Variants in ALG14 observed in about 807,000 individuals in gnomAD.
ALG14 encodes ALG14 UDP-N-acetylglucosaminyltransferase subunit.
A neutral mutation model predicts 22.8 loss-of-function variants in ALG14; 17 were observed. The ratio of observed to expected loss-of-function variants is 0.75; its 90% confidence interval spans 0.51 to 1.12. ALG14 has a LOEUF of 1.12. Ranked by LOEUF, ALG14 falls within the 50% of genes most tolerant of loss-of-function variation. The pLI, the probability that ALG14 is intolerant of heterozygous loss-of-function variation, is 0.00. For missense variants in ALG14, 288 were observed against 271.8 expected (o/e 1.06, Z -0.42); for synonymous variants, 89 against 103.7 (o/e 0.86, Z 0.86).
chr1:95,036,580 C>A (rs1386706052), intron 2 of ALG14, among the ~76,000 whole-genome samples: 1 of 151,884 alleles, frequency 6.6e-6, no homozygotes. Flanking sequence ...GTATGCGCCA[C>A]CATACCCGGC....
intron 3 of ALG14, among the ~76,000 whole-genome samples, chr1:94,998,568 TA>T (rs765994632): frequency 6.6e-6 from 1 of 152,186 alleles, no homozygotes; most frequent in Non-Finnish European, 1.5e-5. Flanking sequence ...ATGACTTTAT[TA>T]AAAAATATAT....
At chr1:95,002,936 C>T (rs965297710) in intron 3 of ALG14, among the ~76,000 whole-genome samples, 1 of 152,130 alleles carries the variant, frequency 6.6e-6, no homozygotes, top group Non-Finnish European at 1.5e-5. Flanking sequence ...ACTAAAGTGG[C>T]AAACAAAGAA....
At position 95,034,795 on chromosome 1, in the gene ALG14, T is replaced by C. The variant is rs569508431; in HGVS notation, c.289-7535A>G. Among the ~76,000 whole-genome samples, 3 of 152,234 alleles carry C rather than the reference T, an allele frequency of 2.0e-5. No homozygotes were observed. The South Asian group carries it at 6.2e-4, about 32-fold the overall frequency. ...CTTATGTATAGCCAACTACTCATCC[T>C]GATCCATTTCCTTTTTCTTCCTTGA... On this transcript the variant is annotated intron_variant, in intron 2 of 3. Coordinates refer to ENST00000370205, the MANE Select transcript of ALG14 (RefSeq NM_144988.4).
chr1:95,070,342 C>T (rs1246164955), intron 1 of ALG14, among the ~76,000 whole-genome samples: 1 of 152,218 alleles, frequency 6.6e-6, no homozygotes, highest in Non-Finnish European at 1.5e-5. Context: ...TTCATATATG[C>T]TTCATAAATT....
chr1:95,051,562 C>T (rs1674750788), intron 2 of ALG14, among the ~76,000 whole-genome samples: 1 of 152,180 alleles, frequency 6.6e-6, no homozygotes. Flanking sequence ...CCATTTCACT[C>T]ACTGGAAAAA....
chr1:95,010,252 T>C (rs1014998869), intron 3 of ALG14, among the ~76,000 whole-genome samples: 4 of 152,202 alleles, frequency 2.6e-5, no homozygotes, highest in Admixed American at 6.5e-5. Context: ...TCCTAACATT[T>C]ATAGCTTCTC....
At chr1:95,014,963 C>A (rs1557953576) in intron 3 of ALG14, among the ~76,000 whole-genome samples, 1 of 152,290 alleles carries the variant, frequency 6.6e-6, no homozygotes, top group South Asian at 2.1e-4. Flanking sequence ...TGATTCCTAA[C>A]CCTTTGCAAT....
chr1:95,016,425 G>A (rs1442262882), intron 3 of ALG14, among the ~76,000 whole-genome samples: 2 of 152,116 alleles, frequency 1.3e-5, no homozygotes, highest in African/African-American at 2.4e-5. Flanking sequence ...GTGTACAAAT[G>A]CCTTCTCCAT....
Position 95,051,126 on chromosome 1 carries a change from C to A in ALG14, c.288+13740G>T, listed in dbSNP as rs184939135. 7.2e-5 allele frequency among the ~76,000 whole-genome samples: 11 copies of A among 152,274 alleles called. No individual in the cohort carries two copies. In the East Asian group the frequency reaches 2.1e-3, roughly 29 times the overall value. ...CTATATTATAGACCAGACTTCCCTT[C>A]TGAACCTCAGACTCATAGATCCCAT... On this transcript the variant is annotated intron_variant, in intron 2 of 3. Transcript: ENST00000370205.
rs1014188238 is a variant in ALG14, at chr1:94,978,417, A to G, written c.*4659T>C. ...TTTTGTACAGAGCTGTGGTGTAAAT[A>G]CTATCAAAAGTGGAACAAGGATACA... On this transcript the variant is annotated 3_prime_UTR_variant, in exon 4 of 4. Coordinates refer to ENST00000370205, the MANE Select transcript of ALG14 (RefSeq NM_144988.4). 3 of 152,196 alleles carry G rather than the reference A, an allele frequency of 2.0e-5. No individual in the cohort carries two copies. The highest frequency in any genetic ancestry group is 4.1e-4 in the South Asian group (2 of 4,834). 9.4% of individuals were successfully genotyped at this position (152,196 alleles called of 1,614,324 possible). A position where few individuals can be genotyped will look rare whatever the true frequency, so the allele number is the denominator to read the frequency against.
chr1:94,982,878 T>A lies in ALG14; in HGVS notation c.*198A>T. The A allele has an allele frequency of 1.8e-6, 1 of 570,196 alleles. No individual in the cohort carries two copies. The highest frequency in any genetic ancestry group is 1.9e-5 in the African/African-American group (1 of 53,478). 35.3% of individuals were successfully genotyped at this position (570,196 alleles called of 1,614,324 possible). ...TTACAGAGGCATAAACATTTAGTAG[T>A]TACGTTTATCAATGTTTGTTTCATA... On this transcript the variant is annotated 3_prime_UTR_variant, in exon 4 of 4. Coordinates refer to ENST00000370205, the MANE Select transcript of ALG14 (RefSeq NM_144988.4).
At chr1:95,053,723 G>GC (rs1313590205) in intron 2 of ALG14, among the ~76,000 whole-genome samples, 40 of 152,110 alleles carry the variant, frequency 2.6e-4, no homozygotes, top group Non-Finnish European at 7.3e-5. Context: ...ACAGCACTCA[G>GC]CCCATGCCTC....
chr1:95,023,521 T>C (rs1338018172), intron 3 of ALG14, among the ~76,000 whole-genome samples: 1 of 152,204 alleles, frequency 6.6e-6, no homozygotes, highest in Non-Finnish European at 1.5e-5. Context: ...ACTTCTTTCA[T>C]ACAAAGCGTG....
intron 3 of ALG14, among the ~76,000 whole-genome samples, chr1:95,021,312 G>A (rs1458761763): frequency 6.6e-6 from 1 of 152,094 alleles, no homozygotes; most frequent in East Asian, 1.9e-4. Flanking sequence ...CTGCCAAGAT[G>A]AGTAATACAC....
chr1:95,071,673 C>T (rs1454649389), intron 1 of ALG14, among the ~76,000 whole-genome samples: 1 of 152,194 alleles, frequency 6.6e-6, no homozygotes, highest in Non-Finnish European at 1.5e-5. Flanking sequence ...CTTTTCACAT[C>T]CTCCCAGCCC....
At chr1:95,067,664 C>T (rs1675420242) in intron 1 of ALG14, 2 of 152,160 alleles carry the variant, frequency 1.3e-5, no homozygotes, top group Admixed American at 6.5e-5. Flanking sequence ...TCTTTTGCTA[C>T]TCCCCTGCTC....
Position 94,997,600 on chromosome 1 carries a change from C to G in ALG14, c.421-14294G>C, listed in dbSNP as rs867425863. Among the ~76,000 whole-genome samples the G allele has an allele frequency of 2.6e-5, 4 of 152,154 alleles. No homozygotes were observed. The South Asian group carries it at 6.2e-4, about 24-fold the overall frequency. On this transcript the variant is annotated intron_variant, in intron 3 of 3. Coordinates refer to ENST00000370205, the MANE Select transcript of ALG14 (RefSeq NM_144988.4). The stretch of plus-strand genomic sequence containing the variant: ...GCATCCTGGCTCTACCACTTCCTGC[C>G]TGTGTGACCGTGGGGGAATCATTTC...
intron 3 of ALG14, among the ~76,000 whole-genome samples, chr1:95,002,985 T>G (rs1282767354): frequency 6.6e-6 from 1 of 152,182 alleles, no homozygotes; most frequent in Non-Finnish European, 1.5e-5. Context: ...TGAAAGCACT[T>G]AAGTGTGAGT....
intron 2 of ALG14, among the ~76,000 whole-genome samples, chr1:95,057,266 C>T (rs1467686347): frequency 2.0e-5 from 3 of 151,470 alleles, no homozygotes; most frequent in Admixed American, 2.0e-4. Flanking sequence ...CACAGTTAGT[C>T]CTCCAGATCT....
Sources: gnomAD v4.1 joint callset for allele counts (sites outside exome capture counted in the v4.1 genomes callset) on GRCh38, gnomAD v4.1.1 for gene constraint, MANE v1.5 for transcripts, NCBI Gene and HGNC (gene_info 2026-07-23, HGNC 2026-07-21) for gene names.